MYBL2: variants seen among roughly 807,000 people sequenced by gnomAD.
The protein encoded by MYBL2 is MYB proto-oncogene like 2, also known as myb-related protein B.
MYBL2 carries 28 observed loss-of-function variants against 79.9 expected under a neutral mutation model. That is an observed-to-expected ratio of 0.35 (90% CI 0.26 to 0.48). MYBL2 has a LOEUF of 0.48. MYBL2 is among the 20% of genes least tolerant of loss of function. The pLI, the probability that MYBL2 is intolerant of heterozygous loss-of-function variation, is 0.99. For missense variants in MYBL2, 735 were observed against 893.9 expected, an observed-to-expected ratio of 0.82 and a Z score of 2.27; for synonymous variants, 378 against 361.2, an observed-to-expected ratio of 1.05 and a Z score of -0.53.
At chr20:43,673,057 C>G (rs775469384) in intron 1 of MYBL2, among the ~76,000 whole-genome samples, 8 of 152,034 alleles carry the variant, frequency 5.3e-5, no homozygotes, top group Non-Finnish European at 4.4e-5. Flanking sequence ...AATTCTTCTG[C>G]CTCAGCCTCC....
chr20:43,673,296 A>C (rs1986911676), intron 1 of MYBL2, among the ~76,000 whole-genome samples: 1 of 151,596 alleles, frequency 6.6e-6, no homozygotes, highest in Non-Finnish European at 1.5e-5. Flanking sequence ...ATTCCTGAAA[A>C]TAAAAAAGAA....
intron 9 of MYBL2, among the ~76,000 whole-genome samples, chr20:43,706,719 G>GTTTGTTTTTTTTTTTT (rs1987791489): frequency 2.8e-5 from 2 of 70,780 alleles, no homozygotes; most frequent in African/African-American, 1.2e-4. Context: ...AAAAAAAAAA[G>GTTTGTTTTTTTTTTTT]TTTTTTTTTT....
chr20:43,705,786 C>T (rs1184398937), intron 9 of MYBL2, among the ~76,000 whole-genome samples: 2 of 151,546 alleles, frequency 1.3e-5, no homozygotes, highest in Middle Eastern at 3.2e-3. Flanking sequence ...CTGCAAGCTC[C>T]GCCTCCCAGG....
At chr20:43,672,906 G>T (rs1986901568) in intron 1 of MYBL2, among the ~76,000 whole-genome samples, 1 of 152,124 alleles carries the variant, frequency 6.6e-6, no homozygotes, top group African/African-American at 2.4e-5. Context: ...GCGATAGTCT[G>T]ATTTTGAACA....
At chr20:43,713,456 C>T (rs1457789145) in intron 12 of MYBL2, among the ~76,000 whole-genome samples, 4 of 150,334 alleles carry the variant, frequency 2.7e-5, no homozygotes, top group African/African-American at 7.4e-5. Flanking sequence ...GGTGCCATCT[C>T]GGCTCACTGC....
chr20:43,702,455 A>G (rs1349077463), intron 7 of MYBL2, 35 bp from the exon 8 acceptor site: 2 of 1,556,776 alleles, frequency 1.3e-6, no homozygotes, highest in Non-Finnish European at 8.7e-7. Flanking sequence ...TTAAGAGCAT[A>G]GTAATTGCAA....
intron 1 of MYBL2, 92 bp from the exon 2 acceptor site, chr20:43,673,714 C>A: frequency 8.1e-7 from 1 of 1,227,576 alleles, no homozygotes; most frequent in Non-Finnish European, 1.2e-6. Flanking sequence ...CCAGACCTTT[C>A]CCTAGGGTGG....
intron 4 of MYBL2, among the ~76,000 whole-genome samples, chr20:43,683,551 ATTT>A (rs1181872489): frequency 0.018 from 2,442 of 137,814 alleles, 100 homozygotes; most frequent in African/African-American, 0.065. Context: ...GGAACTAGGC[ATTT>A]TTTTTTTTTT....
intron 10 of MYBL2, among the ~76,000 whole-genome samples, chr20:43,710,579 T>C (rs987032127): frequency 3.3e-5 from 5 of 152,208 alleles, no homozygotes; most frequent in Non-Finnish European, 5.9e-5. Context: ...CACCTTGGGC[T>C]TTCTGAAACA....
chr20:43,701,427 C>G (rs1987672866), intron 7 of MYBL2, among the ~76,000 whole-genome samples: 1 of 152,194 alleles, frequency 6.6e-6, no homozygotes, highest in South Asian at 2.1e-4. Context: ...TCTGGGTCCA[C>G]TCAGAAGCCA....
intron 1 of MYBL2, among the ~76,000 whole-genome samples, chr20:43,672,441 AT>A (rs1435799651): frequency 2.1e-5 from 3 of 143,424 alleles, no homozygotes; most frequent in Non-Finnish European, 4.6e-5. Flanking sequence ...AAAAAAAAAA[AT>A]CAACACACGA....
chr20:43,696,581 A>G (rs1987547696), intron 6 of MYBL2, among the ~76,000 whole-genome samples: 4 of 152,296 alleles, frequency 2.6e-5, no homozygotes, highest in African/African-American at 4.8e-5. Flanking sequence ...ATATCGTTCC[A>G]TGTTGTTATG....
chr20:43,715,485 A>G (rs1330772766), intron 13 of MYBL2, among the ~76,000 whole-genome samples: 1 of 152,102 alleles, frequency 6.6e-6, no homozygotes, highest in Non-Finnish European at 1.5e-5. Context: ...TTCAGTCTCA[A>G]TGCTGCTTCC....
At chr20:43,697,267 G>T (rs549334376) in intron 6 of MYBL2, among the ~76,000 whole-genome samples, 1 of 152,122 alleles carries the variant, frequency 6.6e-6, no homozygotes, top group Non-Finnish European at 1.5e-5. Flanking sequence ...AATTACTTTG[G>T]AGTTGATCTT....
intron 11 of MYBL2, 63 bp downstream of exon 11, chr20:43,711,664 C>T (rs1987911183): frequency 8.3e-6 from 12 of 1,438,144 alleles, no homozygotes; most frequent in Middle Eastern, 3.6e-4. Context: ...ATGGGGGAGG[C>T]GTCTGGGGAC....
intron 11 of MYBL2, among the ~76,000 whole-genome samples, chr20:43,712,801 A>G (rs1179315336): frequency 1.3e-5 from 2 of 152,134 alleles, no homozygotes; most frequent in African/African-American, 4.8e-5. Context: ...CCTTGGGTAC[A>G]GAGTCTAATG....
chr20:43,697,241 G>T (rs901150678), intron 6 of MYBL2, among the ~76,000 whole-genome samples: 1 of 151,832 alleles, frequency 6.6e-6, no homozygotes, highest in Non-Finnish European at 1.5e-5. Context: ...GCATTATCAT[G>T]TTCTTATTTT....
chr20:43,705,200 C>A lies in MYBL2; in HGVS notation c.1366-19C>A. The stretch of plus-strand genomic sequence containing the variant: ...TGCAGGTCATCATTTTGTCTTGTTC[C>A]CTCTCTCTTCTTTGGCAGTTTCTGA... On this transcript the variant is annotated intron_variant, in intron 8 of 13. Transcript: ENST00000217026. The A allele has an allele frequency of 6.2e-7, 1 of 1,612,746 alleles. No individual in the cohort carries two copies. The highest frequency in any genetic ancestry group is 8.5e-7 in the Non-Finnish European group (1 of 1,179,346).
At chr20:43,671,163 T>A (rs552437058) in intron 1 of MYBL2, among the ~76,000 whole-genome samples, 3 of 151,484 alleles carry the variant, frequency 2.0e-5, no homozygotes, top group African/African-American at 4.9e-5. Context: ...TTATTTATTT[T>A]TTTTGAGATG....
Sources: allele counts gnomAD v4.1 joint callset (sites outside exome capture counted in the v4.1 genomes callset), GRCh38; gene constraint gnomAD v4.1.1; transcripts MANE v1.5; gene names NCBI Gene and HGNC (gene_info 2026-07-23, HGNC 2026-07-21).